SCFD2: variants seen among roughly 807,000 people sequenced by gnomAD.
The protein encoded by SCFD2 is sec1 family domain containing 2, also known as sec1 family domain-containing protein 2.
Under a neutral mutation model 58.9 loss-of-function variants are expected in SCFD2, and 54 were observed. The ratio of observed to expected loss-of-function variants is 0.92; its 90% confidence interval spans 0.74 to 1.15. The LOEUF (loss-of-function observed/expected upper bound fraction) is 1.15, where lower values mean the gene tolerates loss of function less well. Ranked by LOEUF, SCFD2 falls within the 50% of genes most tolerant of loss-of-function variation. SCFD2 has a pLI of 0.00. For missense variants in SCFD2, 805 were observed against 836.6 expected, an observed-to-expected ratio of 0.96 and a Z score of 0.47; for synonymous variants, 321 against 335.9, an observed-to-expected ratio of 0.96 and a Z score of 0.49.
At chr4:53,249,160 C>T (rs1366460541) in intron 4 of SCFD2, among the ~76,000 whole-genome samples, 1 of 151,996 alleles carries the variant, frequency 6.6e-6, no homozygotes, top group African/African-American at 2.4e-5. Flanking sequence ...GTGAAGAATG[C>T]AGAAGCCTCA....
intron 4 of SCFD2, among the ~76,000 whole-genome samples, chr4:53,177,529 G>C (rs1727378389): frequency 6.6e-6 from 1 of 152,194 alleles, no homozygotes; most frequent in African/African-American, 2.4e-5. Flanking sequence ...GGAGGACTGG[G>C]AGAGGAGCCA....
intron 4 of SCFD2, among the ~76,000 whole-genome samples, chr4:53,184,491 A>G (rs1727682350): frequency 6.6e-6 from 1 of 152,168 alleles, no homozygotes; most frequent in Non-Finnish European, 1.5e-5. Context: ...CCTCATACCA[A>G]GAAATTGCAT....
chr4:52,944,809 T>C (rs1720383086), intron 5 of SCFD2, among the ~76,000 whole-genome samples: 2 of 152,226 alleles, frequency 1.3e-5, no homozygotes, highest in Admixed American at 1.3e-4. Flanking sequence ...CCAGGTTAAC[T>C]GGTGGAAGGA....
chr4:52,999,266 A>G (rs1408156312), intron 5 of SCFD2, among the ~76,000 whole-genome samples: 1 of 152,226 alleles, frequency 6.6e-6, no homozygotes, highest in East Asian at 1.9e-4. Context: ...TCACAGGACA[A>G]AAGAGACTTC....
At chr4:53,168,081 T>C (rs1160984804) in intron 4 of SCFD2, among the ~76,000 whole-genome samples, 1 of 152,134 alleles carries the variant, frequency 6.6e-6, no homozygotes, top group Non-Finnish European at 1.5e-5. Flanking sequence ...ATAGGCCAAA[T>C]AAGTAAAACA....
At chr4:53,229,290 C>CA (rs1416717651) in intron 4 of SCFD2, among the ~76,000 whole-genome samples, 1 of 152,020 alleles carries the variant, frequency 6.6e-6, no homozygotes. Flanking sequence ...CATATGGAAC[C>CA]AAAAAAGAGC....
At chr4:52,928,886 G>GA (rs1362085400) in intron 5 of SCFD2, among the ~76,000 whole-genome samples, 2 of 145,626 alleles carry the variant, frequency 1.4e-5, no homozygotes, top group East Asian at 2.2e-4. Context: ...AGAGGTTATA[G>GA]AAAAAAATAG....
At chr4:53,263,306 G>A (rs1730882167) in intron 4 of SCFD2, among the ~76,000 whole-genome samples, 1 of 152,076 alleles carries the variant, frequency 6.6e-6, no homozygotes, top group Admixed American at 6.6e-5. Flanking sequence ...GTGATCTTTT[G>A]GGGCTGTTAA....
At chr4:53,234,931 T>C (rs1159723907) in intron 4 of SCFD2, among the ~76,000 whole-genome samples, 2 of 152,264 alleles carry the variant, frequency 1.3e-5, no homozygotes, top group Non-Finnish European at 2.9e-5. Flanking sequence ...TAGGTGATCC[T>C]GGGCTGGTAT....
intron 5 of SCFD2, among the ~76,000 whole-genome samples, chr4:53,111,416 C>G (rs1479855677): frequency 6.6e-6 from 1 of 152,050 alleles, no homozygotes; most frequent in Non-Finnish European, 1.5e-5. Context: ...TAATTTCACT[C>G]ATTTCAATGT....
At chr4:52,887,463 A>C (rs1415402753) in intron 7 of SCFD2, among the ~76,000 whole-genome samples, 1 of 152,218 alleles carries the variant, frequency 6.6e-6, no homozygotes, top group Non-Finnish European at 1.5e-5. Flanking sequence ...GGGGACAAGA[A>C]GGGATTCCTG....
intron 1 of SCFD2, among the ~76,000 whole-genome samples, chr4:53,357,113 G>A (rs537321670): frequency 1.3e-5 from 2 of 152,070 alleles, no homozygotes; most frequent in Non-Finnish European, 2.9e-5. Context: ...TAGATAATAT[G>A]TATTTTTGAA....
At chr4:52,899,662 C>T (rs530092836) in intron 7 of SCFD2, among the ~76,000 whole-genome samples, 9 of 152,186 alleles carry the variant, frequency 5.9e-5, no homozygotes, top group Middle Eastern at 3.4e-3. Flanking sequence ...ATCTTTGTGG[C>T]GTTCCCTGTA....
chr4:53,226,081 T>C (rs1256279844), intron 4 of SCFD2, among the ~76,000 whole-genome samples: 1 of 152,166 alleles, frequency 6.6e-6, no homozygotes. Flanking sequence ...GGATTACAGA[T>C]ATGAGCCACT....
chr4:52,873,750 C>T lies in SCFD2; in HGVS notation c.*219G>A, dbSNP rs1221553573. 2 of 382,468 alleles carry T rather than the reference C, an allele frequency of 5.2e-6. No homozygotes were observed. The highest frequency in any genetic ancestry group is 2.1e-5 in the African/African-American group (1 of 48,486). The allele number at this position is 382,468 out of a possible 1,614,324, so 23.7% of individuals were successfully genotyped here. ...GGACTCGCCAAAAGACAGACTGTCG[C>T]CTTCAGGAAAATAAAAAAACTTTTT... is the stretch of plus-strand genomic sequence containing the variant. On this transcript the variant is annotated 3_prime_UTR_variant, in exon 9 of 9. Transcript: ENST00000401642.
In SCFD2 at chr4:53,299,627, C is replaced by T. The variant is rs563239579; in HGVS notation, c.1135+14009G>A. Reference sequence around the variant, plus strand: ...CAAAGATAATCCTCGAGAAGAGCAACTCCAAGACACATAATTGTCAGATTC... The same window carrying T: ...CAAAGATAATCCTCGAGAAGAGCAATTCCAAGACACATAATTGTCAGATTC... On this transcript the variant is annotated intron_variant, in intron 3 of 8. Coordinates refer to ENST00000401642, the MANE Select transcript of SCFD2 (RefSeq NM_152540.4). Among the ~76,000 whole-genome samples, 4 of 152,032 alleles carry T rather than the reference C, an allele frequency of 2.6e-5. No homozygotes were observed. The South Asian group carries it at 8.3e-4, about 32-fold the overall frequency.
At chr4:53,361,597 C>G (rs1395078644) in intron 1 of SCFD2, among the ~76,000 whole-genome samples, 2 of 152,114 alleles carry the variant, frequency 1.3e-5, no homozygotes, top group African/African-American at 4.8e-5. Context: ...GGGTCTTACT[C>G]TGTTGCCCAG....
intron 5 of SCFD2, among the ~76,000 whole-genome samples, chr4:52,941,043 G>A (rs1309978424): frequency 1.3e-5 from 2 of 151,810 alleles, no homozygotes; most frequent in Non-Finnish European, 2.9e-5. Flanking sequence ...CCTAAGTTCT[G>A]AGACCCTCTA....
chr4:52,993,498 G>A (rs770234290), intron 5 of SCFD2, among the ~76,000 whole-genome samples: 5 of 152,206 alleles, frequency 3.3e-5, no homozygotes, highest in African/African-American at 4.8e-5. Context: ...TGGCTCACTA[G>A]GATGCATATC....
Sources: gnomAD v4.1 joint callset for allele counts (sites outside exome capture counted in the v4.1 genomes callset) on GRCh38, gnomAD v4.1.1 for gene constraint, MANE v1.5 for transcripts, NCBI Gene and HGNC (gene_info 2026-07-23, HGNC 2026-07-21) for gene names.